The following SLC36A1 variants were observed in gnomAD, a reference collection of about 807,000 sequenced individuals.
SLC36A1 encodes solute carrier family 36 member 1.
Under a neutral mutation model 47.5 loss-of-function variants are expected in SLC36A1, and 30 were observed. The observed-to-expected ratio is 0.63, with a 90% confidence interval of 0.47 to 0.86. The LOEUF is 0.86. SLC36A1 is among the 40% of genes least tolerant of loss of function. The pLI is 0.00. For missense variants in SLC36A1, 517 were observed against 606.0 expected (o/e 0.85, Z 1.54); for synonymous variants, 255 against 249.7 (o/e 1.02, Z -0.20).
chr5:151,503,901 T>C, the SLC36A1 span, among the ~76,000 whole-genome samples: 1 of 152,070 alleles, frequency 6.6e-6, no homozygotes, highest in Non-Finnish European at 1.5e-5. Context: ...TTTTTCCAAA[T>C]AGTTTCCTGG....
the SLC36A1 span, among the ~76,000 whole-genome samples, chr5:151,350,702 G>GT: frequency 3.3e-5 from 5 of 152,016 alleles, no homozygotes; most frequent in African/African-American, 4.8e-5. Context: ...GGATAATGGG[G>GT]TTTTTTGTGG....
the SLC36A1 span, among the ~76,000 whole-genome samples, chr5:151,415,121 C>T: frequency 6.6e-6 from 1 of 152,302 alleles, no homozygotes; most frequent in Non-Finnish European, 1.5e-5. Context: ...ACTGATTTGA[C>T]TTTGACACTG....
rs144352664 is a variant in SLC36A1 at position 151,458,876 on chromosome 5, C to T, written c.84C>T (p.Gly28=). The T allele has an allele frequency of 6.2e-7, 1 of 1,613,896 alleles. No individual in the cohort carries two copies. The highest frequency in any genetic ancestry group is 1.3e-5 in the African/African-American group (1 of 74,918). ...GCCCTGAGGAGAGCCCGTCGGAAGG[C>T]CTCAACAACCTCTCCTCCCCGGGCT... ...DVSPEESPSE[G]LNNLSSPGSY... The change falls in exon 2 of 11, where the codon GGC becomes GGT. Residue 28 remains glycine, a synonymous_variant. Coordinates refer to ENST00000243389, the MANE Select transcript of SLC36A1 (RefSeq NM_078483.4).
chr5:151,358,810 A>G, the SLC36A1 span, among the ~76,000 whole-genome samples: 1 of 151,476 alleles, frequency 6.6e-6, no homozygotes, highest in African/African-American at 2.4e-5. Flanking sequence ...CGTCTCTACT[A>G]AAAATACAAA....
chr5:151,476,948 C>T (rs1325578445), intron 9 of SLC36A1, 192 bp downstream of exon 9: 2 of 741,736 alleles, frequency 2.7e-6, no homozygotes, highest in East Asian at 2.7e-5. Flanking sequence ...GTAGAGCCTT[C>T]TGCTGAAGCC....
At chr5:151,502,525 CA>C in the SLC36A1 span, among the ~76,000 whole-genome samples, 17 of 145,580 alleles carry the variant, frequency 1.2e-4, no homozygotes, top group East Asian at 1.9e-4. Context: ...CTATAGATGT[CA>C]AAAAAAAAGC....
the SLC36A1 span, among the ~76,000 whole-genome samples, chr5:151,429,294 C>T: frequency 6.6e-6 from 1 of 150,532 alleles, no homozygotes; most frequent in Non-Finnish European, 1.5e-5. Flanking sequence ...GTGTGCTGCA[C>T]CCATTAAATT....
chr5:151,434,927 T>C (rs560535356), upstream of SLC36A1, among the ~76,000 whole-genome samples: 9 of 152,296 alleles, frequency 5.9e-5, no homozygotes, highest in East Asian at 3.9e-4. Flanking sequence ...TAATATGTTA[T>C]AGCAGCCCAA....
the SLC36A1 span, among the ~76,000 whole-genome samples, chr5:151,405,126 A>G: frequency 6.6e-6 from 1 of 152,136 alleles, no homozygotes; most frequent in Non-Finnish European, 1.5e-5. Context: ...TTGATTTGAA[A>G]GACTGGTCTT....
At chr5:151,517,581 G>T in the SLC36A1 span, 1 of 1,612,158 alleles carries the variant, frequency 6.2e-7, no homozygotes, top group Non-Finnish European at 8.5e-7. Context: ...CCCAGCCTGG[G>T]ACACCCACAT....
At chr5:151,364,217 G>A in the SLC36A1 span, among the ~76,000 whole-genome samples, 2 of 152,006 alleles carry the variant, frequency 1.3e-5, no homozygotes, top group African/African-American at 2.4e-5. Flanking sequence ...GACCTACCTA[G>A]CTTTTCTTAA....
At chr5:151,480,341 G>A (rs1211650529) in intron 10 of SLC36A1, among the ~76,000 whole-genome samples, 1 of 151,988 alleles carries the variant, frequency 6.6e-6, no homozygotes, top group Non-Finnish European at 1.5e-5. Context: ...TGCTTATTAT[G>A]TTGAGACTTC....
chr5:151,370,873 A>G, the SLC36A1 span, among the ~76,000 whole-genome samples: 3 of 152,110 alleles, frequency 2.0e-5, no homozygotes, highest in African/African-American at 7.2e-5. Flanking sequence ...GGCGCCTGTA[A>G]TCCCAACTAC....
At chr5:151,397,177 T>C in the SLC36A1 span, among the ~76,000 whole-genome samples, 2 of 152,248 alleles carry the variant, frequency 1.3e-5, no homozygotes, top group African/African-American at 4.8e-5. Flanking sequence ...TACCAGCTCC[T>C]GGCTCCATGT....
chr5:151,391,614 G>C, the SLC36A1 span, among the ~76,000 whole-genome samples: 3 of 152,126 alleles, frequency 2.0e-5, no homozygotes, highest in South Asian at 2.1e-4. Flanking sequence ...AGCATGAAGG[G>C]CTGTTGAATT....
chr5:151,374,035 CA>C, the SLC36A1 span, among the ~76,000 whole-genome samples: 1 of 152,064 alleles, frequency 6.6e-6, no homozygotes, highest in Non-Finnish European at 1.5e-5. Context: ...GGATGAATAA[CA>C]CCTTCCTTCT....
At chr5:151,482,006 A>G (rs1330320904) in intron 10 of SLC36A1, among the ~76,000 whole-genome samples, 5 of 152,178 alleles carry the variant, frequency 3.3e-5, no homozygotes, top group African/African-American at 4.8e-5. Context: ...GTCATTTGCC[A>G]TGTGAAACAT....
the SLC36A1 span, among the ~76,000 whole-genome samples, chr5:151,539,755 G>T: frequency 6.6e-6 from 1 of 152,226 alleles, no homozygotes; most frequent in African/African-American, 2.4e-5. Flanking sequence ...GACAGCAATT[G>T]TTGGTTTATG....
the SLC36A1 span, among the ~76,000 whole-genome samples, chr5:151,352,131 T>C: frequency 2.1e-4 from 32 of 152,194 alleles, no homozygotes; most frequent in Non-Finnish European, 4.3e-4. Flanking sequence ...ATGCTAGTCT[T>C]AGGTCAAGAT....
Sources: allele counts gnomAD v4.1 joint callset (sites outside exome capture counted in the v4.1 genomes callset), GRCh38; gene constraint gnomAD v4.1.1; transcripts MANE v1.5; gene names NCBI Gene and HGNC (gene_info 2026-07-23, HGNC 2026-07-21).